SDC2: variants seen among roughly 807,000 people sequenced by gnomAD.
The protein encoded by SDC2 is syndecan-2.
SDC2 carries 13 observed loss-of-function variants against 22.2 expected under a neutral mutation model. That is an observed-to-expected ratio of 0.59 (90% confidence interval 0.38 to 0.93). The LOEUF is 0.93. Ranked by LOEUF, SDC2 falls within the 40% of genes least tolerant of loss-of-function variation. SDC2 has a pLI of 0.00. For synonymous variants in SDC2, 94 were observed against 92.8 expected, an observed-to-expected ratio of 1.01 and a Z score of -0.07; for missense variants, 235 against 246.8, an observed-to-expected ratio of 0.95 and a Z score of 0.32.
intron 1 of SDC2, among the ~76,000 whole-genome samples, chr8:96,520,542 G>A (rs1050550758): frequency 2.6e-5 from 4 of 152,156 alleles, no homozygotes; most frequent in Admixed American, 1.3e-4. Context: ...TCAGCTTGTG[G>A]ACAGGGTGTG....
chr8:96,605,832 T>C (rs1159785413), intron 3 of SDC2, among the ~76,000 whole-genome samples: 1 of 152,214 alleles, frequency 6.6e-6, no homozygotes, highest in Non-Finnish European at 1.5e-5. Flanking sequence ...GTCTAGCTTA[T>C]GGTCCTTCCT....
intron 1 of SDC2, among the ~76,000 whole-genome samples, chr8:96,517,386 CAT>C (rs995292544): frequency 7.2e-5 from 11 of 152,218 alleles, no homozygotes; most frequent in African/African-American, 2.6e-4. Flanking sequence ...TTTTTGGTAT[CAT>C]ATATAAGAAA....
intron 1 of SDC2, among the ~76,000 whole-genome samples, chr8:96,542,877 C>T (rs550731578): frequency 9.9e-5 from 15 of 152,240 alleles, no homozygotes; most frequent in Admixed American, 5.2e-4. Flanking sequence ...ATTAATAGCT[C>T]CCCCTTTAAG....
intron 1 of SDC2, among the ~76,000 whole-genome samples, chr8:96,591,114 C>T (rs1320551850): frequency 6.6e-6 from 1 of 152,120 alleles, no homozygotes. Flanking sequence ...ATGTGTTAGT[C>T]CAGACAACTG....
intron 1 of SDC2, among the ~76,000 whole-genome samples, chr8:96,514,950 T>G (rs1207122775): frequency 1.3e-5 from 2 of 152,146 alleles, no homozygotes; most frequent in Non-Finnish European, 2.9e-5. Context: ...GAACCATTTG[T>G]CTCCCTCTTG....
rs1236267155 is a variant in SDC2, at chr8:96,576,384, G to GTT, written c.61-17088_61-17087dup. Among the ~76,000 whole-genome samples the GTT allele has an allele frequency of 5.5e-4, 28 of 50,990 alleles. 2 individuals are homozygous for GTT. The highest frequency in any genetic ancestry group is 2.4e-3 in the Admixed American group (11 of 4,592). The allele number at this position is 50,990 out of a possible 152,430, so 33.5% of individuals were successfully genotyped here. On this transcript the variant is annotated intron_variant, in intron 1 of 4. Coordinates refer to ENST00000302190, the MANE Select transcript of SDC2 (RefSeq NM_002998.4). Reference sequence around the variant, plus strand: ...TGGTAGTTTGTTTTTGTTTTGTTTTGTTTTTTTTTACCAGATTTGCTTTAT... The same window carrying GTT: ...TGGTAGTTTGTTTTTGTTTTGTTTTGTTTTTTTTTTTACCAGATTTGCTTTAT...
At chr8:96,555,559 G>A (rs1172479366) in intron 1 of SDC2, among the ~76,000 whole-genome samples, 1 of 152,166 alleles carries the variant, frequency 6.6e-6, no homozygotes, top group Non-Finnish European at 1.5e-5. Context: ...ACAAATACCA[G>A]TATGAGGGGA....
At chr8:96,509,891 C>G (rs1813302978) in intron 1 of SDC2, among the ~76,000 whole-genome samples, 6 of 152,300 alleles carry the variant, frequency 3.9e-5, no homozygotes, top group Admixed American at 3.3e-4. Context: ...CAGCTTTTTC[C>G]TTTTCTCCAG....
At chr8:96,594,053 G>A (rs1194924752) in intron 2 of SDC2, among the ~76,000 whole-genome samples, 3 of 152,082 alleles carry the variant, frequency 2.0e-5, no homozygotes, top group African/African-American at 4.8e-5. Context: ...AAGTTAATAC[G>A]TTTTTATTCC....
Position 96,602,428 on chromosome 8 carries a change from C to A in SDC2, c.206C>A (p.Thr69Lys), listed in dbSNP as rs372143692. The A allele has an allele frequency of 3.1e-6, 5 of 1,613,988 alleles. No homozygotes were observed. In the African/African-American group the frequency reaches 4.0e-5, roughly 13 times the overall value. The stretch of plus-strand genomic sequence containing the variant: ...GAGGATGTAGAGAGTCCAGAGCTGA[C>A]AACATCTCGACCACTTCCAAAGATA... The part of the protein sequence containing the change: ...ADEDVESPEL[T>K]TSRPLPKILL... Residue 69 changes from threonine to lysine, a missense_variant, in exon 3 of 5, where the codon ACA becomes AAA. Coordinates refer to ENST00000302190, the MANE Select transcript of SDC2 (RefSeq NM_002998.4).
intron 2 of SDC2, among the ~76,000 whole-genome samples, chr8:96,601,640 CAAAAAAAA>C (rs749025894): frequency 1.9e-4 from 13 of 66,690 alleles, no homozygotes; most frequent in South Asian, 4.9e-4. Flanking sequence ...ACTCCATCTC[CAAAAAAAA>C]AAAAAAAAAA....
At chr8:96,572,288 A>G (rs1469814178) in intron 1 of SDC2, among the ~76,000 whole-genome samples, 1 of 152,196 alleles carries the variant, frequency 6.6e-6, no homozygotes, top group African/African-American at 2.4e-5. Flanking sequence ...AATACCTAAA[A>G]TCTTTCATCT....
At chr8:96,599,432 A>G (rs529058003) in intron 2 of SDC2, among the ~76,000 whole-genome samples, 1 of 152,206 alleles carries the variant, frequency 6.6e-6, no homozygotes, top group Non-Finnish European at 1.5e-5. Flanking sequence ...TAAGAAAATG[A>G]TTCATTGTAG....
At chr8:96,551,384 C>T (rs1366821925) in intron 1 of SDC2, among the ~76,000 whole-genome samples, 1 of 152,228 alleles carries the variant, frequency 6.6e-6, no homozygotes, top group Non-Finnish European at 1.5e-5. Flanking sequence ...ATAACTAACA[C>T]TGATATACTG....
intron 3 of SDC2, among the ~76,000 whole-genome samples, chr8:96,604,689 G>A (rs1050755075): frequency 1.1e-4 from 16 of 152,080 alleles, no homozygotes; most frequent in African/African-American, 3.1e-4. Context: ...ATGCACAAAA[G>A]GGAATCTCGT....
rs34938034 is a variant in SDC2 at position 96,597,063 on chromosome 8, CAG to C, written c.172+3475_172+3476del. Among the ~76,000 whole-genome samples the C allele has an allele frequency of 5.0e-3, 767 of 152,276 alleles. 4 individuals are homozygous for C. Among genetic ancestry groups the C allele is most frequent in the Non-Finnish European group, 9.0e-3 (609 of 68,022 alleles). ...CAAAGGGGCTCATGTTCCCTGCCCTCAGAGGGAAACCTGGAGATTTATTATCT... is the reference window on the plus strand; with the variant it reads ...CAAAGGGGCTCATGTTCCCTGCCCTCAGGGAAACCTGGAGATTTATTATCT... On this transcript the variant is annotated intron_variant, in intron 2 of 4. Coordinates refer to ENST00000302190, the MANE Select transcript of SDC2 (RefSeq NM_002998.4).
At chr8:96,510,359 G>A (rs6985568) in intron 1 of SDC2, among the ~76,000 whole-genome samples, 31,482 of 152,122 alleles carry the variant, frequency 0.21, 3,542 homozygotes, top group Non-Finnish European at 0.27. Context: ...GGAAGAGAGA[G>A]TGCTTTAGGC....
At chr8:96,549,062 C>A (rs1431138431) in intron 1 of SDC2, among the ~76,000 whole-genome samples, 1 of 152,110 alleles carries the variant, frequency 6.6e-6, no homozygotes, top group Non-Finnish European at 1.5e-5. Flanking sequence ...GCCTCTGTAC[C>A]TTTTGTCTCT....
chr8:96,538,134 T>G (rs949700368), intron 1 of SDC2, among the ~76,000 whole-genome samples: 1 of 152,042 alleles, frequency 6.6e-6, no homozygotes, highest in Non-Finnish European at 1.5e-5. Flanking sequence ...GGCTAATTTT[T>G]TATTTTTAGT....
Sources: gnomAD v4.1 joint callset for allele counts (sites outside exome capture counted in the v4.1 genomes callset) on GRCh38, gnomAD v4.1.1 for gene constraint, MANE v1.5 for transcripts, NCBI Gene and HGNC (gene_info 2026-07-23, HGNC 2026-07-21) for gene names.